The following FARP1 variants were observed in gnomAD, a reference collection of about 807,000 sequenced individuals.
FARP1 encodes the protein FERM, ARHGEF and pleckstrin domain-containing protein 1.
A neutral mutation model predicts 128.8 loss-of-function variants in FARP1; 52 were observed. That is an observed-to-expected ratio of 0.40 (90% confidence interval 0.32 to 0.51). The LOEUF is 0.51. Ranked by LOEUF, FARP1 falls within the 20% of genes least tolerant of loss-of-function variation. The pLI is 0.45. For synonymous variants in FARP1, 580 were observed against 551.8 expected, an observed-to-expected ratio of 1.05 and a Z score of -0.72; for missense variants, 1,333 against 1,367.9, an observed-to-expected ratio of 0.97 and a Z score of 0.40.
At chr13:98,447,708 G>A (rs1235693536) in intron 26 of FARP1, 1 of 153,930 alleles carries the variant, frequency 6.5e-6, no homozygotes, top group Non-Finnish European at 1.4e-5. Context: ...GGAGATTTGG[G>A]CGTGGTGGTG....
chr13:98,163,175 A>T (rs1877004808), intron 1 of FARP1, among the ~76,000 whole-genome samples: 1 of 152,220 alleles, frequency 6.6e-6, no homozygotes, highest in African/African-American at 2.4e-5. Flanking sequence ...GCAGGAACAT[A>T]GATGGAACTG....
At chr13:98,362,776 T>C (rs1271220732) in intron 3 of FARP1, among the ~76,000 whole-genome samples, 3 of 152,204 alleles carry the variant, frequency 2.0e-5, no homozygotes, top group Admixed American at 1.3e-4. Context: ...CTGGAACCTC[T>C]CAGTCCCAGT....
chr13:98,157,426 T>C (rs1260691054), intron 1 of FARP1, among the ~76,000 whole-genome samples: 4 of 151,914 alleles, frequency 2.6e-5, no homozygotes, highest in African/African-American at 7.3e-5. Context: ...ACCAAGTCCT[T>C]CTCTGCTCTG....
chr13:98,182,006 A>C (rs1878565949), intron 1 of FARP1, among the ~76,000 whole-genome samples: 1 of 152,210 alleles, frequency 6.6e-6, no homozygotes, highest in African/African-American at 2.4e-5. Context: ...AAGATGATAA[A>C]TAATAAATAC....
chr13:98,316,696 T>C (rs567636392), intron 2 of FARP1, among the ~76,000 whole-genome samples: 24 of 152,326 alleles, frequency 1.6e-4, no homozygotes, highest in African/African-American at 4.8e-4. Context: ...GTTGCAAGCA[T>C]GTGTATAGCT....
intron 10 of FARP1, 46 bp from the exon 11 acceptor site, chr13:98,390,766 A>AC: frequency 1.4e-6 from 2 of 1,399,354 alleles, no homozygotes; most frequent in Non-Finnish European, 1.0e-6. Flanking sequence ...TTTAAATGAG[A>AC]ATGCCTTGGT....
chr13:98,226,885 G>A (rs536694717), intron 2 of FARP1, among the ~76,000 whole-genome samples: 2 of 152,074 alleles, frequency 1.3e-5, no homozygotes, highest in East Asian at 1.9e-4. Flanking sequence ...GTGGGAGAGT[G>A]CGAGTTTGAA....
chr13:98,414,258 G>A (rs1458672990), intron 16 of FARP1, among the ~76,000 whole-genome samples: 2 of 152,180 alleles, frequency 1.3e-5, no homozygotes, highest in Non-Finnish European at 2.9e-5. Flanking sequence ...GACATCAGAA[G>A]CATGTAAAGT....
intron 18 of FARP1, chr13:98,433,456 T>C (rs1892126676): frequency 6.6e-6 from 1 of 152,018 alleles, no homozygotes. Flanking sequence ...TGGCCAGGGG[T>C]GGTGGCTCAC....
intron 1 of FARP1, among the ~76,000 whole-genome samples, chr13:98,186,717 C>T (rs193042743): frequency 6.6e-6 from 1 of 151,846 alleles, no homozygotes; most frequent in Non-Finnish European, 1.5e-5. Flanking sequence ...ATGGGCCGGG[C>T]GTGGTGGCTC....
chr13:98,427,709 C>T (rs1162920098), intron 17 of FARP1, among the ~76,000 whole-genome samples: 2 of 152,222 alleles, frequency 1.3e-5, no homozygotes, highest in East Asian at 1.9e-4. Context: ...ACCTGATATC[C>T]GCTCCTGGCG....
At chr13:98,369,706 T>C (rs1318012772) in intron 5 of FARP1, among the ~76,000 whole-genome samples, 1 of 152,088 alleles carries the variant, frequency 6.6e-6, no homozygotes, top group East Asian at 1.9e-4. Flanking sequence ...CATCATTTTT[T>C]ATGGCTGCAT....
intron 2 of FARP1, among the ~76,000 whole-genome samples, chr13:98,313,129 C>G (rs1233142067): frequency 6.6e-6 from 1 of 151,304 alleles, no homozygotes; most frequent in East Asian, 1.9e-4. Flanking sequence ...CACACACACA[C>G]ACACACACAC....
chr13:98,250,720 CAA>C (rs145373844), intron 2 of FARP1, among the ~76,000 whole-genome samples: 2 of 139,066 alleles, frequency 1.4e-5, no homozygotes. Flanking sequence ...GACTCTGTCT[CAA>C]AAAAAAAAAG....
intron 6 of FARP1, among the ~76,000 whole-genome samples, chr13:98,380,536 A>G (rs889548504): frequency 1.3e-5 from 2 of 152,190 alleles, no homozygotes; most frequent in African/African-American, 2.4e-5. Flanking sequence ...CCATTTCACA[A>G]TGTGTACATA....
chr13:98,311,048 G>A (rs917639494), intron 2 of FARP1, among the ~76,000 whole-genome samples: 11 of 152,204 alleles, frequency 7.2e-5, no homozygotes, highest in African/African-American at 2.4e-4. Context: ...GGAAAACTGG[G>A]TTAAGGACCT....
intron 2 of FARP1, among the ~76,000 whole-genome samples, chr13:98,278,188 T>C (rs968875464): frequency 3.3e-5 from 5 of 151,178 alleles, no homozygotes; most frequent in African/African-American, 1.2e-4. Context: ...TGTGTGTGTG[T>C]GTATGTTCTG....
At chr13:98,394,182 T>C (rs191120390) in intron 12 of FARP1, among the ~76,000 whole-genome samples, 13 of 152,282 alleles carry the variant, frequency 8.5e-5, no homozygotes, top group Admixed American at 3.3e-4. Flanking sequence ...GTGACCACAA[T>C]TGGCAGTAAG....
At chr13:98,303,585 C>T (rs975418456) in intron 2 of FARP1, among the ~76,000 whole-genome samples, 2 of 152,132 alleles carry the variant, frequency 1.3e-5, no homozygotes, top group East Asian at 1.9e-4. Context: ...TCTGAACCTA[C>T]GCCCTTAGCT....
Sources: allele counts gnomAD v4.1 joint callset (sites outside exome capture counted in the v4.1 genomes callset), GRCh38; gene constraint gnomAD v4.1.1; transcripts MANE v1.5; gene names NCBI Gene and HGNC (gene_info 2026-07-23, HGNC 2026-07-21).